The following ANKEF1 variants were observed in gnomAD, a reference collection of about 807,000 sequenced individuals.
ANKEF1 encodes ankyrin repeat and EF-hand domain-containing protein 1.
ANKEF1 carries 43 observed loss-of-function variants against 65.1 expected under a neutral mutation model. That is an observed-to-expected ratio of 0.66 (90% confidence interval 0.52 to 0.85). The LOEUF (loss-of-function observed/expected upper bound fraction) is 0.85. ANKEF1 is among the 40% of genes least tolerant of loss of function. The pLI is 0.00. For synonymous variants in ANKEF1, 316 were observed against 341.5 expected, an observed-to-expected ratio of 0.93 and a Z score of 0.82; for missense variants, 934 against 952.9, an observed-to-expected ratio of 0.98 and a Z score of 0.26.
chr20:10,052,615 CAG>C (rs1324479944), intron 8 of ANKEF1, among the ~76,000 whole-genome samples: 1 of 152,168 alleles, frequency 6.6e-6, no homozygotes, highest in Non-Finnish European at 1.5e-5. Context: ...CTCTGAGTCA[CAG>C]ATACTACTGC....
At chr20:10,052,523 T>G (rs1465677732) in intron 8 of ANKEF1, among the ~76,000 whole-genome samples, 1 of 152,162 alleles carries the variant, frequency 6.6e-6, no homozygotes, top group Non-Finnish European at 1.5e-5. Flanking sequence ...GAGCTCCTTG[T>G]TTGGAAGTAC....
At position 10,050,565 on chromosome 20, in the gene ANKEF1, A is replaced by G. The variant is rs541937288; in HGVS notation, c.1643+353A>G. The stretch of plus-strand genomic sequence containing the variant: ...AGCCCCTTTATTAAAGCCTATAATA[A>G]ATTAATTAAGCCTATAGATCTTATA... On this transcript the variant is annotated intron_variant, in intron 7 of 10. Coordinates refer to ENST00000378392, the MANE Select transcript of ANKEF1 (RefSeq NM_022096.6). Among the ~76,000 whole-genome samples the G allele has an allele frequency of 5.3e-5, 8 of 152,096 alleles. No individual in the cohort carries two copies. The East Asian group carries it at 1.5e-3, about 29-fold the overall frequency.
intron 6 of ANKEF1, among the ~76,000 whole-genome samples, 177 bp from the exon 7 acceptor site, chr20:10,049,213 A>T (rs1984687758): frequency 6.6e-6 from 1 of 152,254 alleles, no homozygotes; most frequent in South Asian, 2.1e-4. Flanking sequence ...AGAAAAAAAA[A>T]ATCACAGCTC....
intron 2 of ANKEF1, among the ~76,000 whole-genome samples, chr20:10,037,420 T>C (rs1485504747): frequency 6.6e-6 from 1 of 152,180 alleles, no homozygotes; most frequent in Non-Finnish European, 1.5e-5. Context: ...GGCTGCTGAT[T>C]GGTTGATGTC....
At chr20:10,053,351 T>C in intron 9 of ANKEF1, 76 bp downstream of exon 9, 1 of 1,338,884 alleles carries the variant, frequency 7.5e-7, no homozygotes, top group Non-Finnish European at 1.0e-6. Flanking sequence ...AGAAGCACTA[T>C]TTACATATTG....
Position 10,057,547 on chromosome 20 carries a change from T to C in ANKEF1, c.*1887T>C, listed in dbSNP as rs777905215. The C allele has an allele frequency of 2.0e-5, 3 of 152,224 alleles. No homozygotes were observed. The highest frequency in any genetic ancestry group is 4.4e-5 in the Non-Finnish European group (3 of 68,030). The allele number at this position is 152,224 out of a possible 1,614,324, so 9.4% of individuals were successfully genotyped here. ...CTTTCTCCCTCTACATATATGCATA[T>C]GTATGTTTAATTTTTGTCCCCGAAC... is the stretch of plus-strand genomic sequence containing the variant. On this transcript the variant is annotated 3_prime_UTR_variant, in exon 11 of 11. Transcript: ENST00000378392.
intron 7 of ANKEF1, among the ~76,000 whole-genome samples, 198 bp downstream of exon 7, chr20:10,050,410 T>TA (rs1345710266): frequency 6.6e-6 from 1 of 152,194 alleles, no homozygotes; most frequent in Non-Finnish European, 1.5e-5. Context: ...AATGCTTTAT[T>TA]AAAAATGCTG....
intron 4 of ANKEF1, 106 bp downstream of exon 4, chr20:10,043,427 C>A: frequency 9.7e-7 from 1 of 1,025,850 alleles, no homozygotes; most frequent in Non-Finnish European, 1.4e-6. Context: ...ATAGACTGTT[C>A]ATTTTGATTC....
At chr20:10,039,713 C>G (rs1305672248) in intron 3 of ANKEF1, among the ~76,000 whole-genome samples, 3 of 152,080 alleles carry the variant, frequency 2.0e-5, no homozygotes, top group Non-Finnish European at 4.4e-5. Context: ...CACTGAATTG[C>G]CAGGATGTTG....
At position 10,056,473 on chromosome 20, in the gene ANKEF1, T is replaced by G. The variant is rs997049374; in HGVS notation, c.*813T>G. 8 of 144,980 alleles carry G rather than the reference T, an allele frequency of 5.5e-5. No individual in the cohort carries two copies. The highest frequency in any genetic ancestry group is 7.8e-5 in the African/African-American group (3 of 38,312). 9.0% of individuals were successfully genotyped at this position (144,980 alleles called of 1,614,324 possible). A position where few individuals can be genotyped will look rare whatever the true frequency, so the allele number is the denominator to read the frequency against. ...GACAGATATATAGATGATAGATAGA[T>G]AGATGATAGATAGATAGATAGATGA... On this transcript the variant is annotated 3_prime_UTR_variant, in exon 11 of 11. Transcript: ENST00000378392.
In ANKEF1 at chr20:10,055,925, GTT is replaced by G; in HGVS notation, c.*266_*267del. ...AATACATGGCATGTGGGTTATAAACGTTGCTGTCAAAAGATTTACCAGGTCTA... is the reference window on the plus strand; with the variant it reads ...AATACATGGCATGTGGGTTATAAACGGCTGTCAAAAGATTTACCAGGTCTA... On this transcript the variant is annotated 3_prime_UTR_variant, in exon 11 of 11. Transcript: ENST00000378392. 1 of 366,220 alleles carries G rather than the reference GTT, an allele frequency of 2.7e-6. No homozygotes were observed. The allele number at this position is 366,220 out of a possible 1,614,324, so 22.7% of individuals were successfully genotyped here.
chr20:10,057,514 CTCTA>C lies in ANKEF1; in HGVS notation c.*1858_*1861del, dbSNP rs1272647232. On this transcript the variant is annotated 3_prime_UTR_variant, in exon 11 of 11. Transcript: ENST00000378392. ...AAATGTTAACCACTTACCACATTTGCTCTATCTCTTTCTCCCTCTACATATATGC... is the reference window on the plus strand; with the variant it reads ...AAATGTTAACCACTTACCACATTTGCTCTCTTTCTCCCTCTACATATATGC... The C allele has an allele frequency of 5.9e-5, 9 of 152,280 alleles. No individual in the cohort carries two copies. The highest frequency in any genetic ancestry group is 1.9e-4 in the African/African-American group (8 of 41,538). The allele number at this position is 152,280 out of a possible 1,614,324, so 9.4% of individuals were successfully genotyped here.
At position 10,055,555 on chromosome 20, in the gene ANKEF1, G is replaced by A. The variant is rs756788062; in HGVS notation, c.2226G>A (p.Arg742=). ...TAELIRKREL[R]RERFTHEVDF... ...AGCTGATCAGGAAGAGGGAACTACG[G>A]CGAGAGAGGTTTACACATGAGGTGG... The change falls in exon 11 of 11, where the codon CGG becomes CGA. Residue 742 remains arginine (R), a synonymous_variant. Coordinates refer to ENST00000378392, the MANE Select transcript of ANKEF1 (RefSeq NM_022096.6). The A allele has an allele frequency of 5.6e-6, 9 of 1,613,752 alleles. No individual in the cohort carries two copies. The South Asian group carries it at 8.8e-5, about 16-fold the overall frequency.
chr20:10,040,961 T>C (rs1984151521), intron 3 of ANKEF1, among the ~76,000 whole-genome samples: 1 of 149,400 alleles, frequency 6.7e-6, no homozygotes, highest in African/African-American at 2.4e-5. Flanking sequence ...AATCTTTTCT[T>C]TTTTTTTTTA....
intron 3 of ANKEF1, among the ~76,000 whole-genome samples, chr20:10,039,220 C>G (rs536317697): frequency 9.8e-5 from 15 of 152,334 alleles, no homozygotes; most frequent in African/African-American, 3.4e-4. Context: ...TCAGATCAAA[C>G]AACTGCACTT....
chr20:10,040,719 C>T (rs989403010), intron 3 of ANKEF1: 19 of 152,166 alleles, frequency 1.2e-4, no homozygotes, highest in Non-Finnish European at 1.8e-4. Context: ...AATGCTGATT[C>T]GTGTTCTTTG....
intron 6 of ANKEF1, among the ~76,000 whole-genome samples, chr20:10,047,226 G>C (rs1023588905): frequency 6.6e-6 from 1 of 152,248 alleles, no homozygotes; most frequent in East Asian, 1.9e-4. Context: ...ATGCAAAAAG[G>C]CCTAACTCAG....
intron 3 of ANKEF1, among the ~76,000 whole-genome samples, chr20:10,042,819 A>C (rs139410378): frequency 6.6e-6 from 1 of 152,300 alleles, no homozygotes; most frequent in African/African-American, 2.4e-5. Context: ...CCAAGAAGGG[A>C]CACTCAGGGT....
In ANKEF1 at chr20:10,044,490, G is replaced by C. The variant is rs776773093; in HGVS notation, c.643G>C (p.Asp215His). 29 of 1,614,002 alleles carry C rather than the reference G, an allele frequency of 1.8e-5. No homozygotes were observed. The highest frequency in any genetic ancestry group is 2.4e-5 in the Non-Finnish European group (28 of 1,180,008). The change falls in exon 5 of 11, where the codon GAC becomes CAC. Residue 215 changes from aspartate to histidine, a missense_variant. Asp to His is a moderately conservative substitution (Grantham distance 81, BLOSUM62 -1). Transcript: ENST00000378392. ...AAGAGGAGGTGAAGTGAATGCATTT[G>C]ACAACGACAGGCATCACGCTGCTCA... is the stretch of plus-strand genomic sequence containing the variant. ...LERGGEVNAF[D>H]NDRHHAAHFA...
Sources: gnomAD v4.1 joint callset for allele counts (sites outside exome capture counted in the v4.1 genomes callset) on GRCh38, gnomAD v4.1.1 for gene constraint, MANE v1.5 for transcripts, NCBI Gene and HGNC (gene_info 2026-07-23, HGNC 2026-07-21) for gene names.